ANOS1: variants seen among roughly 807,000 people sequenced by gnomAD.
ANOS1 encodes the protein anosmin-1.
In ANOS1, 6 loss-of-function variants were observed where a neutral mutation model predicts 59.0. The ratio of observed to expected loss-of-function variants is 0.10; its 90% CI spans 0.06 to 0.20. ANOS1 has a LOEUF of 0.20. ANOS1 is among the 10% of genes least tolerant of loss of function. ANOS1 has a pLI of 1.00. For missense variants in ANOS1, 433 were observed against 542.3 expected (o/e 0.80, Z 2.00); for synonymous variants, 217 against 223.4 (o/e 0.97, Z 0.25).
At chrX:8,672,334 CA>C (rs1238296253) in intron 2 of ANOS1, among the ~76,000 whole-genome samples, 1 of 111,986 alleles carries the variant, frequency 8.9e-6, no homozygotes, top group Non-Finnish European at 1.9e-5. Context: ...GTGGCCCCTG[CA>C]TGTGAACTGC....
At chrX:8,571,085 C>T (rs1268114472) in intron 6 of ANOS1, among the ~76,000 whole-genome samples, 1 of 100,281 alleles carries the variant, frequency 1.0e-5, no homozygotes, top group African/African-American at 3.8e-5. Flanking sequence ...GCATACCAGC[C>T]TGCGCAAGAG....
intron 4 of ANOS1, among the ~76,000 whole-genome samples, chrX:8,593,332 T>C (rs1359936651): frequency 1.8e-5 from 2 of 111,824 alleles, no homozygotes; most frequent in South Asian, 3.7e-4. Flanking sequence ...CTGAAATGTG[T>C]CAATACTTCT....
chrX:8,623,910 C>T (rs1346501445), intron 2 of ANOS1, among the ~76,000 whole-genome samples: 6 of 110,901 alleles, frequency 5.4e-5, no homozygotes, highest in Non-Finnish European at 1.1e-4. Flanking sequence ...GTTACAGCGC[C>T]CGGCAGTGAC....
rs749078207 is a variant in ANOS1, at chrX:8,587,920, C to T, written c.600G>A (p.Leu200=). The T allele has an allele frequency of 1.4e-5, 17 of 1,209,436 alleles. No individual in the cohort carries two copies. Among genetic ancestry groups the T allele is most frequent in the Non-Finnish European group, 1.9e-5 (17 of 893,834 alleles). Residue 200 remains leucine, a synonymous_variant, in exon 5 of 14, where the codon CTG becomes CTA. Coordinates refer to ENST00000262648, the MANE Select transcript of ANOS1 (RefSeq NM_000216.4). ...TGAATTTCGAGGACCACTTAACCTC[C>T]AGCTGTCCAGACTGCAGTTCTGTAA... ...LRFTELQSGQ[L]EVKWSSKFNI...
chrX:8,559,413 CAAG>C (rs776895964), intron 8 of ANOS1, among the ~76,000 whole-genome samples: 1 of 111,369 alleles, frequency 9.0e-6, no homozygotes, highest in East Asian at 2.8e-4. Flanking sequence ...CAAAACTGAA[CAAG>C]AAGGATTCCA....
At chrX:8,546,577 G>C (rs1265923748) in intron 9 of ANOS1, among the ~76,000 whole-genome samples, 2 of 112,044 alleles carry the variant, frequency 1.8e-5, no homozygotes, top group African/African-American at 6.5e-5. Context: ...TGACAGTATA[G>C]TCAGTGGATT....
intron 1 of ANOS1, among the ~76,000 whole-genome samples, chrX:8,700,688 T>C (rs1046325412): frequency 8.9e-6 from 1 of 112,269 alleles, no homozygotes; most frequent in Non-Finnish European, 1.9e-5. Flanking sequence ...GGTAACTAAA[T>C]GAAACAATAG....
chrX:8,546,127 A>G (rs1444831781), intron 9 of ANOS1, among the ~76,000 whole-genome samples: 1 of 112,157 alleles, frequency 8.9e-6, no homozygotes, highest in Non-Finnish European at 1.9e-5. Context: ...CTCCTATGCT[A>G]GTAATACTGA....
chrX:8,545,487 A>G (rs955515809), intron 9 of ANOS1, among the ~76,000 whole-genome samples: 5 of 111,282 alleles, frequency 4.5e-5, no homozygotes, highest in African/African-American at 6.5e-5. Flanking sequence ...AAATGAACTA[A>G]TATCAATGGA....
chrX:8,598,418 G>A (rs1408537639), intron 3 of ANOS1, among the ~76,000 whole-genome samples: 1 of 112,277 alleles, frequency 8.9e-6, no homozygotes, highest in Non-Finnish European at 1.9e-5. Flanking sequence ...GACAGGAGCT[G>A]CAATTGGAAG....
At chrX:8,596,093 C>T (rs573062070) in intron 4 of ANOS1, among the ~76,000 whole-genome samples, 6 of 111,199 alleles carry the variant, frequency 5.4e-5, no homozygotes, top group South Asian at 7.7e-4. Flanking sequence ...GGGTTCCTAC[C>T]GATTCTACGT....
At chrX:8,645,822 A>AT (rs754208710) in intron 2 of ANOS1, among the ~76,000 whole-genome samples, 6 of 111,806 alleles carry the variant, frequency 5.4e-5, no homozygotes, top group African/African-American at 2.0e-4. Flanking sequence ...CGCCCAGCTA[A>AT]TTTTTTTGTG....
chrX:8,693,733 A>ATTTT (rs35989320), intron 2 of ANOS1, among the ~76,000 whole-genome samples: 32 of 75,326 alleles, frequency 4.2e-4, no homozygotes, highest in African/African-American at 1.6e-3. Flanking sequence ...TATTGCATGA[A>ATTTT]TTTTTTTTTT....
intron 3 of ANOS1, among the ~76,000 whole-genome samples, chrX:8,617,985 A>T (rs754622256): frequency 5.1e-4 from 57 of 111,004 alleles, no homozygotes; most frequent in Middle Eastern, 4.7e-3. Context: ...GAAACCCTAC[A>T]ATACAGCAGG....
chrX:8,683,342 A>G (rs1227472894), intron 2 of ANOS1, among the ~76,000 whole-genome samples: 8 of 111,090 alleles, frequency 7.2e-5, no homozygotes, highest in Non-Finnish European at 1.5e-4. Context: ...AGAGAGATAT[A>G]CAGGTTTGGG....
chrX:8,585,636 T>G (rs746624006), intron 5 of ANOS1, among the ~76,000 whole-genome samples: 8 of 112,095 alleles, frequency 7.1e-5, no homozygotes, highest in Non-Finnish European at 1.5e-4. Flanking sequence ...GACAAGAGCT[T>G]GGGCTATTTT....
intron 2 of ANOS1, among the ~76,000 whole-genome samples, chrX:8,680,162 C>CAA (rs754341783): frequency 0.019 from 537 of 28,370 alleles, 13 homozygotes; most frequent in African/African-American, 0.049. Flanking sequence ...GAGACTCCAT[C>CAA]AAAAAAAAAA....
In ANOS1 at chrX:8,732,001, G is replaced by C. The variant is rs1932985707; in HGVS notation, c.36C>G (p.Leu12=). 1 of 1,091,577 alleles carries C rather than the reference G, an allele frequency of 9.2e-7. No homozygotes were observed. The highest frequency in any genetic ancestry group is 1.2e-6 in the Non-Finnish European group (1 of 840,656). The allele number at this position is 1,091,577 out of a possible 1,213,427, so 90.0% of individuals were successfully genotyped here. A position where few individuals can be genotyped will look rare whatever the true frequency, so the allele number is the denominator to read the frequency against. ...VPGVPGAVLT[L]CLWLAASSGC... ...CGCTGGAGGCCGCCAGCCAGAGGCA[G>C]AGGGTCAGGACCGCGCCGGGCACCC... Residue 12 remains leucine (L), a synonymous_variant, in exon 1 of 14, where the codon CTC becomes CTG. Coordinates refer to ENST00000262648, the MANE Select transcript of ANOS1 (RefSeq NM_000216.4).
chrX:8,598,857 T>G (rs1930789945), intron 3 of ANOS1, among the ~76,000 whole-genome samples: 1 of 112,412 alleles, frequency 8.9e-6, no homozygotes, highest in Non-Finnish European at 1.9e-5. Flanking sequence ...TAAATTTCAC[T>G]GTCTCTTTTA....
Sources: allele counts gnomAD v4.1 joint callset (sites outside exome capture counted in the v4.1 genomes callset), GRCh38; gene constraint gnomAD v4.1.1; transcripts MANE v1.5; gene names NCBI Gene and HGNC (gene_info 2026-07-23, HGNC 2026-07-21).